Variants in STAU2 observed in about 807,000 individuals in gnomAD.
The protein encoded by STAU2 is double-stranded RNA-binding protein Staufen homolog 2.
A neutral mutation model predicts 65.9 loss-of-function variants in STAU2; 20 were observed. The observed-to-expected ratio is 0.30, with a 90% confidence interval of 0.21 to 0.44. The LOEUF (loss-of-function observed/expected upper bound fraction) is 0.44. STAU2 is among the 20% of genes least tolerant of loss of function. The pLI, the probability that STAU2 is intolerant of heterozygous loss-of-function variation, is 1.00. For synonymous variants in STAU2, 232 were observed against 233.9 expected (o/e 0.99, Z 0.07); for missense variants, 558 against 683.9 (o/e 0.82, Z 2.05).
intron 6 of STAU2, 189 bp downstream of exon 6, chr8:73,672,918 A>G: frequency 4.6e-6 from 2 of 436,276 alleles, no homozygotes; most frequent in South Asian, 1.6e-4. Flanking sequence ...AAAAAAAACT[A>G]GTTCCTGAAA....
At chr8:73,667,852 C>T (rs1469239638) in intron 6 of STAU2, among the ~76,000 whole-genome samples, 1 of 152,148 alleles carries the variant, frequency 6.6e-6, no homozygotes, top group Admixed American at 6.6e-5. Flanking sequence ...AGGTCCAGAG[C>T]CTTGTGCAAG....
At chr8:73,731,570 A>C (rs1806073605) in intron 3 of STAU2, among the ~76,000 whole-genome samples, 1 of 152,136 alleles carries the variant, frequency 6.6e-6, no homozygotes, top group African/African-American at 2.4e-5. Context: ...ATATTTTATA[A>C]ATTCTCAAGT....
At chr8:73,588,791 G>A (rs1014196873) in intron 11 of STAU2, among the ~76,000 whole-genome samples, 2 of 152,134 alleles carry the variant, frequency 1.3e-5, no homozygotes, top group South Asian at 2.1e-4. Context: ...GCTGGGAAAT[G>A]TACAGGAAAC....
chr8:73,640,449 T>C (rs1187711388), intron 6 of STAU2, among the ~76,000 whole-genome samples: 1 of 152,164 alleles, frequency 6.6e-6, no homozygotes, highest in Non-Finnish European at 1.5e-5. Flanking sequence ...CCACAAACGT[T>C]CTGAAAAGAG....
chr8:73,464,077 G>C (rs1310584204), intron 13 of STAU2, among the ~76,000 whole-genome samples: 1 of 152,208 alleles, frequency 6.6e-6, no homozygotes, highest in African/African-American at 2.4e-5. Flanking sequence ...CAATGGGCCT[G>C]ATAATCTAGC....
At chr8:73,621,971 T>TTC (rs1813278052) in intron 6 of STAU2, among the ~76,000 whole-genome samples, 1 of 149,982 alleles carries the variant, frequency 6.7e-6, no homozygotes, top group East Asian at 1.9e-4. Flanking sequence ...TTTTTTTTTT[T>TTC]CCTGAGACGA....
chr8:73,477,440 G>A (rs1465975923), intron 13 of STAU2, among the ~76,000 whole-genome samples: 1 of 152,172 alleles, frequency 6.6e-6, no homozygotes, highest in Non-Finnish European at 1.5e-5. Context: ...ATATTGATAT[G>A]AGTATTGGGT....
chr8:73,597,708 C>A (rs1348487081), intron 10 of STAU2, among the ~76,000 whole-genome samples: 2 of 137,252 alleles, frequency 1.5e-5, no homozygotes, highest in African/African-American at 2.7e-5. Flanking sequence ...ATACTGAGAG[C>A]AATTTCATGC....
Position 73,613,727 on chromosome 8 carries a change from C to A in STAU2, c.891+17G>T. On this transcript the variant is annotated intron_variant, in intron 9 of 14. Transcript: ENST00000524300. ...TTATTTAGTAAAACTGACTGATGTT[C>A]ACAAATATAAACTTACCTTTACTAT... 1 of 1,575,000 alleles carries A rather than the reference C, an allele frequency of 6.3e-7. No homozygotes were observed. The highest frequency in any genetic ancestry group is 1.1e-5 in the South Asian group (1 of 87,058).
At chr8:73,675,380 C>CACACAA (rs1198691955) in intron 5 of STAU2, 1 of 151,560 alleles carries the variant, frequency 6.6e-6, no homozygotes, top group Non-Finnish European at 1.5e-5. Flanking sequence ...TACACACACA[C>CACACAA]ACACACACAC....
chr8:73,627,405 G>T (rs963982999), intron 6 of STAU2, among the ~76,000 whole-genome samples: 2 of 152,054 alleles, frequency 1.3e-5, no homozygotes, highest in African/African-American at 2.4e-5. Flanking sequence ...TAGGTGGTTT[G>T]CACACATGCT....
chr8:73,511,020 G>GT (rs1822368477), intron 13 of STAU2, among the ~76,000 whole-genome samples: 1 of 152,254 alleles, frequency 6.6e-6, no homozygotes, highest in African/African-American at 2.4e-5. Context: ...AACGTTCTTG[G>GT]TGACCACTGA....
chr8:73,505,264 A>G (rs1343686440), intron 13 of STAU2, among the ~76,000 whole-genome samples: 1 of 152,078 alleles, frequency 6.6e-6, no homozygotes, highest in Non-Finnish European at 1.5e-5. Context: ...AAAATTAATA[A>G]AACAGTTAAG....
chr8:73,586,978 A>G (rs915839560), intron 11 of STAU2, among the ~76,000 whole-genome samples: 24 of 152,208 alleles, frequency 1.6e-4, no homozygotes, highest in Admixed American at 1.6e-3. Flanking sequence ...AGTTTAAAGT[A>G]TATGAATTTC....
intron 4 of STAU2, 114 bp from the exon 5 acceptor site, chr8:73,688,927 C>A: frequency 8.2e-7 from 1 of 1,226,780 alleles, no homozygotes; most frequent in South Asian, 1.5e-5. Flanking sequence ...CTAGAGGTGA[C>A]CTTACCTACA....
intron 13 of STAU2, among the ~76,000 whole-genome samples, chr8:73,500,977 T>G (rs530498026): frequency 6.6e-6 from 1 of 151,908 alleles, no homozygotes; most frequent in Non-Finnish European, 1.5e-5. Flanking sequence ...AAATGTTTTA[T>G]TATAACAGCA....
chr8:73,547,879 T>C (rs1164787915), intron 13 of STAU2, among the ~76,000 whole-genome samples: 1 of 151,702 alleles, frequency 6.6e-6, no homozygotes, highest in African/African-American at 2.4e-5. Context: ...GGGCTATGCA[T>C]CCAAATATCA....
At chr8:73,657,538 G>A (rs761761634) in intron 6 of STAU2, among the ~76,000 whole-genome samples, 56 of 152,206 alleles carry the variant, frequency 3.7e-4, no homozygotes, top group Non-Finnish European at 6.0e-4. Flanking sequence ...AGCAATAAAC[G>A]TATTCAAATG....
chr8:73,467,616 C>T (rs1237261926), intron 13 of STAU2, among the ~76,000 whole-genome samples: 2 of 152,108 alleles, frequency 1.3e-5, no homozygotes, highest in Non-Finnish European at 2.9e-5. Context: ...ATCATTTGTC[C>T]CCTTTTACAG....
Sources: allele counts gnomAD v4.1 joint callset (sites outside exome capture counted in the v4.1 genomes callset), GRCh38; gene constraint gnomAD v4.1.1; transcripts MANE v1.5; gene names NCBI Gene and HGNC (gene_info 2026-07-23, HGNC 2026-07-21).